The following KCNT2 variants were observed in gnomAD, a reference collection of about 807,000 sequenced individuals.
KCNT2 encodes the protein potassium channel subfamily T member 2.
In KCNT2, 67 loss-of-function variants were observed where a neutral mutation model predicts 153.8. The observed-to-expected ratio is 0.44, with a 90% CI of 0.36 to 0.53. The LOEUF is 0.53. KCNT2 is among the 20% of genes least tolerant of loss of function. The probability of loss-of-function intolerance (pLI) is 0.00; values close to 1 mark genes in which losing one functional copy is unlikely to be tolerated. For missense variants in KCNT2, 975 were observed against 1,354.8 expected (o/e 0.72, Z 4.40); for synonymous variants, 500 against 458.8 (o/e 1.09, Z -1.15).
intron 8 of KCNT2, among the ~76,000 whole-genome samples, chr1:196,431,973 T>C (rs923253526): frequency 1.3e-5 from 2 of 152,054 alleles, no homozygotes; most frequent in African/African-American, 4.8e-5. Context: ...TTCCAGACTG[T>C]CACCCTCATC....
chr1:196,337,336 T>C (rs180858731), intron 16 of KCNT2, among the ~76,000 whole-genome samples: 1 of 152,130 alleles, frequency 6.6e-6, no homozygotes, highest in Non-Finnish European at 1.5e-5. Flanking sequence ...TTCTCCTTCT[T>C]ACCACTTCCA....
chr1:196,455,595 A>G (rs545828239), intron 8 of KCNT2, among the ~76,000 whole-genome samples: 1 of 152,058 alleles, frequency 6.6e-6, no homozygotes, highest in South Asian at 2.1e-4. Flanking sequence ...AGTATTGATT[A>G]GTTATTCCAC....
chr1:196,263,411 T>A (rs1314282104), intron 25 of KCNT2, among the ~76,000 whole-genome samples: 1 of 152,092 alleles, frequency 6.6e-6, no homozygotes, highest in Admixed American at 6.6e-5. Context: ...CTGCATATTC[T>A]CACTCATAAT....
chr1:196,430,765 T>C (rs1189597027), intron 8 of KCNT2, among the ~76,000 whole-genome samples: 1 of 152,022 alleles, frequency 6.6e-6, no homozygotes, highest in Non-Finnish European at 1.5e-5. Context: ...AAAATCACAT[T>C]AGAAATAATG....
At chr1:196,292,940 A>G (rs2147926093) in intron 22 of KCNT2, among the ~76,000 whole-genome samples, 1 of 152,168 alleles carries the variant, frequency 6.6e-6, no homozygotes, top group Non-Finnish European at 1.5e-5. Flanking sequence ...CAAATTCAGC[A>G]AAATCAACAC....
chr1:196,499,464 G>A (rs573230654), intron 1 of KCNT2, among the ~76,000 whole-genome samples: 3 of 152,302 alleles, frequency 2.0e-5, no homozygotes, highest in Admixed American at 1.3e-4. Context: ...AGGACCTACT[G>A]GACATTAAAG....
At chr1:196,464,623 CAT>C (rs1324191767) in intron 8 of KCNT2, among the ~76,000 whole-genome samples, 2 of 151,834 alleles carry the variant, frequency 1.3e-5, no homozygotes, top group East Asian at 3.9e-4. Context: ...GCAACAAAAA[CAT>C]ATTATTCTAC....
intron 25 of KCNT2, among the ~76,000 whole-genome samples, chr1:196,264,253 G>A (rs1657305082): frequency 6.6e-6 from 1 of 152,078 alleles, no homozygotes; most frequent in Non-Finnish European, 1.5e-5. Flanking sequence ...CTTAAATAAT[G>A]TATCTGAGTT....
intron 1 of KCNT2, among the ~76,000 whole-genome samples, chr1:196,596,984 G>A (rs1219353256): frequency 3.3e-5 from 5 of 152,112 alleles, no homozygotes. Context: ...ATAGACATGA[G>A]CCACCCACCC....
intron 1 of KCNT2, among the ~76,000 whole-genome samples, chr1:196,587,125 C>G (rs1437734303): frequency 6.6e-6 from 1 of 151,986 alleles, no homozygotes; most frequent in Non-Finnish European, 1.5e-5. Flanking sequence ...ACTTTATACA[C>G]TTAATGTGTT....
intron 21 of KCNT2, among the ~76,000 whole-genome samples, chr1:196,306,507 A>G (rs752880076): frequency 1.3e-5 from 2 of 152,028 alleles, no homozygotes; most frequent in Non-Finnish European, 2.9e-5. Context: ...ACCTTTCCTC[A>G]GGTCCAACTC....
chr1:196,321,268 G>T (rs577372097), intron 19 of KCNT2, among the ~76,000 whole-genome samples: 1 of 151,792 alleles, frequency 6.6e-6, no homozygotes, highest in Admixed American at 6.6e-5. Flanking sequence ...AATTGGAGAA[G>T]CACATAGGAG....
chr1:196,503,490 A>G (rs897620779), intron 1 of KCNT2, among the ~76,000 whole-genome samples: 2 of 152,210 alleles, frequency 1.3e-5, no homozygotes, highest in African/African-American at 4.8e-5. Context: ...TTCTCTATAC[A>G]TAAGAGTATA....
chr1:196,586,932 C>T lies in KCNT2; in HGVS notation c.95+21283G>A, dbSNP rs546385205. Among the ~76,000 whole-genome samples the T allele has an allele frequency of 3.7e-4, 57 of 152,124 alleles. No individual in the cohort carries two copies. The South Asian group carries it at 0.011, about 28-fold the overall frequency. ...CAAGTATGAGAGAAAAAATATTTGACGTGAAGCTTGACTCTCTAAAACTCA... is the reference window on the plus strand; with the variant it reads ...CAAGTATGAGAGAAAAAATATTTGATGTGAAGCTTGACTCTCTAAAACTCA... On this transcript the variant is annotated intron_variant, in intron 1 of 27. Transcript: ENST00000294725.
At chr1:196,561,192 T>G (rs1420977383) in intron 1 of KCNT2, among the ~76,000 whole-genome samples, 4 of 151,880 alleles carry the variant, frequency 2.6e-5, no homozygotes, top group African/African-American at 9.6e-5. Context: ...GACTTATACA[T>G]ATATCAGGGC....
chr1:196,607,396 T>C (rs1199460591), intron 1 of KCNT2, among the ~76,000 whole-genome samples: 1 of 152,156 alleles, frequency 6.6e-6, no homozygotes. Flanking sequence ...GAGACAGAAA[T>C]AGACAGAGGA....
At chr1:196,283,865 T>C (rs1659364963) in intron 23 of KCNT2, among the ~76,000 whole-genome samples, 1 of 151,832 alleles carries the variant, frequency 6.6e-6, no homozygotes, top group South Asian at 2.1e-4. Context: ...TTCAGTTATA[T>C]ATACATACAC....
intron 8 of KCNT2, 49 bp from the exon 9 acceptor site, chr1:196,429,806 T>A: frequency 7.8e-7 from 1 of 1,286,540 alleles, no homozygotes; most frequent in East Asian, 2.4e-5. Context: ...ACTGGACACA[T>A]AATTTCTCAT....
chr1:196,515,452 TA>T (rs1186918944), intron 1 of KCNT2, among the ~76,000 whole-genome samples: 12 of 139,012 alleles, frequency 8.6e-5, no homozygotes, highest in African/African-American at 3.8e-4. Context: ...TGTACTTTCA[TA>T]AAAATTAGCA....
Sources: gnomAD v4.1 joint callset for allele counts (sites outside exome capture counted in the v4.1 genomes callset) on GRCh38, gnomAD v4.1.1 for gene constraint, MANE v1.5 for transcripts, NCBI Gene and HGNC (gene_info 2026-07-23, HGNC 2026-07-21) for gene names.